Variants in CACNA2D3 observed in about 807,000 individuals in gnomAD.
CACNA2D3 encodes voltage-dependent calcium channel subunit alpha-2/delta-3.
CACNA2D3 carries 60 observed loss-of-function variants against 160.6 expected under a neutral mutation model. The ratio of observed to expected loss-of-function variants is 0.37; its 90% CI spans 0.30 to 0.46. The LOEUF is 0.46. CACNA2D3 is among the 20% of genes least tolerant of loss of function. The pLI, the probability that CACNA2D3 is intolerant of heterozygous loss-of-function variation, is 1.00. For synonymous variants in CACNA2D3, 558 were observed against 492.9 expected, an observed-to-expected ratio of 1.13 and a Z score of -1.75; for missense variants, 1,205 against 1,365.0, an observed-to-expected ratio of 0.88 and a Z score of 1.85.
intron 3 of CACNA2D3, among the ~76,000 whole-genome samples, chr3:54,336,032 G>A (rs1704369431): frequency 6.8e-6 from 1 of 146,262 alleles, no homozygotes; most frequent in Admixed American, 6.8e-5. Context: ...AAAAAAGATG[G>A]AGTTTTTCTG....
At chr3:54,279,350 A>G (rs999861664) in intron 2 of CACNA2D3, among the ~76,000 whole-genome samples, 1 of 152,160 alleles carries the variant, frequency 6.6e-6, no homozygotes, top group Non-Finnish European at 1.5e-5. Context: ...TGTGTGTGGG[A>G]GTGAGGACCA....
rs1017411562 is a variant in CACNA2D3 at position 54,629,704 on chromosome 3, A to T, written c.1053+1828A>T. 3.5e-4 allele frequency among the ~76,000 whole-genome samples: 54 copies of T among 152,200 alleles called. 1 individual carries two copies. ...TAGGCTGCTGGGCAGGTGCCTTCTT[A>T]GGGCTTGGGTCTCTGCATCTCAGCA... On this transcript the variant is annotated intron_variant, in intron 10 of 37. Coordinates refer to ENST00000474759, the MANE Select transcript of CACNA2D3 (RefSeq NM_018398.3).
At chr3:54,674,281 A>G (rs1407143625) in intron 11 of CACNA2D3, among the ~76,000 whole-genome samples, 2 of 152,208 alleles carry the variant, frequency 1.3e-5, no homozygotes, top group Non-Finnish European at 1.5e-5. Flanking sequence ...GGGGAGCCAC[A>G]GAGCCTGAGC....
chr3:54,170,620 C>A (rs1700544589), intron 2 of CACNA2D3, among the ~76,000 whole-genome samples: 1 of 152,084 alleles, frequency 6.6e-6, no homozygotes, highest in African/African-American at 2.4e-5. Context: ...CTGACTACCT[C>A]CCTCCCTCCC....
chr3:54,469,574 A>G (rs1700691915), intron 4 of CACNA2D3, among the ~76,000 whole-genome samples: 1 of 152,160 alleles, frequency 6.6e-6, no homozygotes, highest in African/African-American at 2.4e-5. Context: ...TGGATGGAGA[A>G]TGAGTTTGAT....
At chr3:54,602,188 T>G (rs532109655) in intron 9 of CACNA2D3, among the ~76,000 whole-genome samples, 2 of 152,244 alleles carry the variant, frequency 1.3e-5, no homozygotes, top group Non-Finnish European at 2.9e-5. Flanking sequence ...TCAAAAATTA[T>G]TATGAGCTTC....
chr3:54,361,919 T>G (rs762733900), intron 3 of CACNA2D3, among the ~76,000 whole-genome samples: 1 of 152,220 alleles, frequency 6.6e-6, no homozygotes, highest in Non-Finnish European at 1.5e-5. Context: ...TGTACATGCA[T>G]ACACTTTACT....
chr3:55,052,110 G>C (rs1248034148), intron 35 of CACNA2D3, among the ~76,000 whole-genome samples: 1 of 152,022 alleles, frequency 6.6e-6, no homozygotes, highest in African/African-American at 2.4e-5. Context: ...GTTCCTATTC[G>C]GCCATCTTGG....
intron 4 of CACNA2D3, among the ~76,000 whole-genome samples, chr3:54,408,735 G>A (rs1247672799): frequency 2.0e-5 from 3 of 152,130 alleles, no homozygotes; most frequent in African/African-American, 4.8e-5. Context: ...TTGTAATTTT[G>A]TCTTTTGGCA....
At chr3:54,179,584 A>G (rs944644863) in intron 2 of CACNA2D3, among the ~76,000 whole-genome samples, 2 of 152,196 alleles carry the variant, frequency 1.3e-5, no homozygotes. Context: ...CAAAATTCAT[A>G]TGTTGAAGCT....
At chr3:55,032,750 G>T (rs920081986) in intron 35 of CACNA2D3, among the ~76,000 whole-genome samples, 1 of 152,068 alleles carries the variant, frequency 6.6e-6, no homozygotes, top group Non-Finnish European at 1.5e-5. Flanking sequence ...TAGAAAAACC[G>T]GTGCCTGGCA....
At chr3:54,323,568 G>A (rs970212545) in intron 3 of CACNA2D3, among the ~76,000 whole-genome samples, 8 of 150,952 alleles carry the variant, frequency 5.3e-5, no homozygotes, top group Non-Finnish European at 7.4e-5. Flanking sequence ...CCGGGTTCAC[G>A]CCTTTCTCCT....
chr3:54,856,725 C>A (rs1228874411), intron 17 of CACNA2D3, among the ~76,000 whole-genome samples: 1 of 152,166 alleles, frequency 6.6e-6, no homozygotes, highest in Non-Finnish European at 1.5e-5. Flanking sequence ...GGAGAGGTAC[C>A]TGCCTTAGTT....
chr3:54,846,661 A>G (rs1441258937), intron 17 of CACNA2D3, among the ~76,000 whole-genome samples, 194 bp downstream of exon 17: 2 of 152,220 alleles, frequency 1.3e-5, no homozygotes, highest in African/African-American at 4.8e-5. Flanking sequence ...GGATAAATAT[A>G]TTTACCATTA....
At chr3:55,023,208 C>G (rs996576835) in intron 35 of CACNA2D3, among the ~76,000 whole-genome samples, 1 of 152,080 alleles carries the variant, frequency 6.6e-6, no homozygotes, top group Non-Finnish European at 1.5e-5. Flanking sequence ...GTAGTCTGAC[C>G]TCTCCCCCGT....
intron 13 of CACNA2D3, among the ~76,000 whole-genome samples, chr3:54,795,159 C>T (rs890078262): frequency 1.3e-5 from 2 of 152,000 alleles, no homozygotes; most frequent in Non-Finnish European, 2.9e-5. Flanking sequence ...TCTGCCATGT[C>T]TCATCCTTTG....
chr3:54,269,728 G>C (rs56245961), intron 2 of CACNA2D3, among the ~76,000 whole-genome samples: 42,580 of 152,116 alleles, frequency 0.28, 6,491 homozygotes, highest in East Asian at 0.43. Flanking sequence ...ATGAATGGGA[G>C]TTATCTTGGC....
chr3:54,748,522 A>G (rs1002823976), intron 11 of CACNA2D3, among the ~76,000 whole-genome samples: 1 of 152,056 alleles, frequency 6.6e-6, no homozygotes. Flanking sequence ...TTTAAAGACC[A>G]TCCAAACTTA....
At chr3:54,846,096 TA>T (rs369990061) in intron 16 of CACNA2D3, among the ~76,000 whole-genome samples, 1,758 of 148,774 alleles carry the variant, frequency 0.012, 34 homozygotes, top group African/African-American at 0.04. Flanking sequence ...ACTTTCTTGT[TA>T]AAAAAAAAAG....
Sources: gnomAD v4.1 joint callset for allele counts (sites outside exome capture counted in the v4.1 genomes callset) on GRCh38, gnomAD v4.1.1 for gene constraint, MANE v1.5 for transcripts, NCBI Gene and HGNC (gene_info 2026-07-23, HGNC 2026-07-21) for gene names.